Variants in NDRG3 observed in about 807,000 individuals in gnomAD.
The protein encoded by NDRG3 is NDRG family member 3.
In NDRG3, 23 loss-of-function variants were observed where a neutral mutation model predicts 57.2. The observed-to-expected ratio is 0.40, with a 90% confidence interval of 0.29 to 0.57. The LOEUF is 0.57. Ranked by LOEUF, NDRG3 falls within the 20% of genes least tolerant of loss-of-function variation. NDRG3 has a pLI of 0.42. For synonymous variants in NDRG3, 132 were observed against 162.6 expected (o/e 0.81, Z 1.43); for missense variants, 384 against 457.3 (o/e 0.84, Z 1.46).
At chr20:36,718,466 GT>G (rs1485757763) in intron 2 of NDRG3, among the ~76,000 whole-genome samples, 11 of 152,226 alleles carry the variant, frequency 7.2e-5, no homozygotes, top group Non-Finnish European at 1.5e-4. Context: ...TTGTGTCTTA[GT>G]CTACTCGGGC....
At chr20:36,727,127 G>C (rs1351822818) in intron 1 of NDRG3, among the ~76,000 whole-genome samples, 2 of 152,078 alleles carry the variant, frequency 1.3e-5, no homozygotes, top group East Asian at 3.9e-4. Context: ...TGTTAGCAAG[G>C]CTGGTCTCAA....
At chr20:36,713,526 CA>C (rs1479584277) in intron 2 of NDRG3, among the ~76,000 whole-genome samples, 1 of 151,962 alleles carries the variant, frequency 6.6e-6, no homozygotes, top group Non-Finnish European at 1.5e-5. Context: ...GAGATCTGGT[CA>C]AAAGGCATCA....
chr20:36,667,247 AATTC>A (rs1213602809), intron 9 of NDRG3, among the ~76,000 whole-genome samples: 4 of 152,108 alleles, frequency 2.6e-5, no homozygotes, highest in Non-Finnish European at 5.9e-5. Flanking sequence ...TTGATTTAGT[AATTC>A]ATTATTTATT....
intron 1 of NDRG3, among the ~76,000 whole-genome samples, chr20:36,733,146 CAAAA>C (rs141850127): frequency 1.3e-3 from 50 of 38,820 alleles, no homozygotes; most frequent in Non-Finnish European, 1.9e-3. Flanking sequence ...GATCCTGTCT[CAAAA>C]AAAAAAAAAA....
chr20:36,736,414 T>G (rs972599241), intron 1 of NDRG3, among the ~76,000 whole-genome samples: 1 of 152,192 alleles, frequency 6.6e-6, no homozygotes, highest in Non-Finnish European at 1.5e-5. Context: ...GATTTCTGAA[T>G]TCACACAGCC....
intron 13 of NDRG3, among the ~76,000 whole-genome samples, chr20:36,658,625 G>A (rs749879116): frequency 6.6e-6 from 1 of 152,252 alleles, no homozygotes; most frequent in South Asian, 2.1e-4. Context: ...ACATACGATC[G>A]GCATTGAAAT....
chr20:36,662,316 T>G (rs1369234039), intron 12 of NDRG3, among the ~76,000 whole-genome samples: 2 of 151,692 alleles, frequency 1.3e-5, no homozygotes, highest in East Asian at 3.9e-4. Flanking sequence ...AAACCTCCGC[T>G]TCCTGGGTTC....
chr20:36,716,308 G>A (rs545756258), intron 2 of NDRG3, among the ~76,000 whole-genome samples: 7 of 152,092 alleles, frequency 4.6e-5, no homozygotes, highest in African/African-American at 7.2e-5. Flanking sequence ...CGAGGCGGAC[G>A]GATCACTTGA....
At chr20:36,719,538 T>G (rs905542730) in intron 2 of NDRG3, among the ~76,000 whole-genome samples, 7 of 147,770 alleles carry the variant, frequency 4.7e-5, no homozygotes, top group Non-Finnish European at 1.0e-4. Context: ...AAAATAGGGG[T>G]GGCAGGATTC....
At chr20:36,660,710 G>A (rs1979126548) in intron 12 of NDRG3, among the ~76,000 whole-genome samples, 2 of 151,744 alleles carry the variant, frequency 1.3e-5, no homozygotes, top group South Asian at 2.1e-4. Context: ...ACAGGCGCCC[G>A]CTACCACGCC....
At chr20:36,714,982 CTGTGTG>C (rs374158525) in intron 2 of NDRG3, among the ~76,000 whole-genome samples, 3,134 of 49,796 alleles carry the variant, frequency 0.063, 388 homozygotes, top group East Asian at 0.21. Context: ...AATCCTATAT[CTGTGTG>C]TGTGTGTGTG....
intron 3 of NDRG3, among the ~76,000 whole-genome samples, chr20:36,700,910 A>G (rs964109398): frequency 2.6e-5 from 4 of 152,046 alleles, no homozygotes; most frequent in African/African-American, 9.7e-5. Flanking sequence ...AGTAGCTTGG[A>G]GCACACATGC....
chr20:36,696,787 G>A (rs1023704265), intron 3 of NDRG3, among the ~76,000 whole-genome samples: 14 of 152,160 alleles, frequency 9.2e-5, no homozygotes, highest in Non-Finnish European at 1.6e-4. Context: ...CACCACGCCC[G>A]GCCGCCTCTG....
At position 36,660,331 on chromosome 20, in the gene NDRG3, C is replaced by T; in HGVS notation, c.858+6G>A. The T allele has an allele frequency of 6.2e-7, 1 of 1,600,258 alleles. No individual in the cohort carries two copies. Among genetic ancestry groups the T allele is most frequent in the Non-Finnish European group, 8.5e-7 (1 of 1,170,672 alleles). On this transcript the variant is annotated splice_donor_region_variant and intron_variant, in intron 13 of 15. Transcript: ENST00000349004. ...GGGTTGGAAGTGAGGGAAGAAGGCA[C>T]ATTACCTTTAGCAAAGTTGTATTTA...
chr20:36,713,679 G>C (rs1482905178), intron 2 of NDRG3, among the ~76,000 whole-genome samples: 1 of 152,116 alleles, frequency 6.6e-6, no homozygotes, highest in Admixed American at 6.6e-5. Flanking sequence ...TTAAAGGAAA[G>C]GTCCATTTCT....
At chr20:36,730,338 T>C (rs557815970) in intron 1 of NDRG3, among the ~76,000 whole-genome samples, 17 of 151,954 alleles carry the variant, frequency 1.1e-4, no homozygotes, top group Middle Eastern at 3.4e-3. Context: ...CACTGTAACC[T>C]TGAATTCCAA....
At chr20:36,702,617 G>A (rs1433603817) in intron 3 of NDRG3, among the ~76,000 whole-genome samples, 3 of 151,804 alleles carry the variant, frequency 2.0e-5, no homozygotes, top group East Asian at 1.9e-4. Context: ...TCTGCCTCCC[G>A]GGTTCAAGCC....
At chr20:36,715,021 T>A (rs1280013412) in intron 2 of NDRG3, among the ~76,000 whole-genome samples, 2 of 91,506 alleles carry the variant, frequency 2.2e-5, no homozygotes, top group South Asian at 6.0e-4. Context: ...TATATATATA[T>A]ATATATATAT....
intron 1 of NDRG3, among the ~76,000 whole-genome samples, chr20:36,723,360 T>A (rs1268255433): frequency 6.6e-6 from 1 of 152,132 alleles, no homozygotes; most frequent in African/African-American, 2.4e-5. Context: ...ATACTCAATA[T>A]TGCAGGAAAG....
Sources: allele counts gnomAD v4.1 joint callset (sites outside exome capture counted in the v4.1 genomes callset), GRCh38; gene constraint gnomAD v4.1.1; transcripts MANE v1.5; gene names NCBI Gene and HGNC (gene_info 2026-07-23, HGNC 2026-07-21).